RUFY4: variants seen among roughly 807,000 people sequenced by gnomAD.
The protein encoded by RUFY4 is RUN and FYVE domain containing 4.
Under a neutral mutation model 69.0 loss-of-function variants are expected in RUFY4, and 73 were observed. The ratio of observed to expected loss-of-function variants is 1.06; its 90% CI spans 0.88 to 1.29. The LOEUF is 1.29. RUFY4 is among the 50% of genes most tolerant of loss of function. The pLI, the probability that RUFY4 is intolerant of heterozygous loss-of-function variation, is 0.00. For synonymous variants in RUFY4, 287 were observed against 271.8 expected, an observed-to-expected ratio of 1.06 and a Z score of -0.55; for missense variants, 770 against 705.6, an observed-to-expected ratio of 1.09 and a Z score of -1.03.
intron 2 of RUFY4, among the ~76,000 whole-genome samples, chr2:218,046,885 GAGGTCCAAA>G (rs1448001993): frequency 2.0e-5 from 3 of 152,006 alleles, no homozygotes; most frequent in Non-Finnish European, 4.4e-5. Context: ...ATGTTAATTT[GAGGTCCAAA>G]AGACTTGATT....
intron 2 of RUFY4, among the ~76,000 whole-genome samples, chr2:218,041,411 C>A (rs1279800767): frequency 6.6e-6 from 1 of 152,168 alleles, no homozygotes; most frequent in Non-Finnish European, 1.5e-5. Flanking sequence ...GTCTCCCAGT[C>A]CATGAGCATA....
chr2:218,038,405 A>G (rs1049842087), intron 2 of RUFY4, among the ~76,000 whole-genome samples: 1 of 152,248 alleles, frequency 6.6e-6, no homozygotes, highest in Non-Finnish European at 1.5e-5. Flanking sequence ...GCTTTTGCAA[A>G]GTGCTCCATC....
intron 2 of RUFY4, among the ~76,000 whole-genome samples, chr2:218,071,868 G>A (rs1018038470): frequency 1.3e-5 from 2 of 152,122 alleles, no homozygotes; most frequent in African/African-American, 4.8e-5. Flanking sequence ...CCACACACAG[G>A]CAGCATCTGC....
intron 3 of RUFY4, 76 bp from the exon 6 acceptor site, chr2:218,072,703 A>G (rs1341885729): frequency 1.5e-6 from 2 of 1,309,840 alleles, no homozygotes; most frequent in South Asian, 1.5e-5. Context: ...AAGCACTTCC[A>G]GTCCCCTCTC....
chr2:218,063,419 G>A (rs113125548), intron 3 of RUFY4, among the ~76,000 whole-genome samples: 214 of 152,304 alleles, frequency 1.4e-3, no homozygotes, highest in Non-Finnish European at 2.7e-3. Context: ...CTCCCACATC[G>A]CAGGTGGGAA....
chr2:218,056,852 G>A (rs1239713132), intron 2 of RUFY4, among the ~76,000 whole-genome samples: 2 of 152,138 alleles, frequency 1.3e-5, no homozygotes, highest in Admixed American at 6.6e-5. Flanking sequence ...TTGGGAGGCC[G>A]AGGCAGGTGG....
chr2:218,044,163 C>A (rs1466700403), intron 2 of RUFY4, among the ~76,000 whole-genome samples: 3 of 152,164 alleles, frequency 2.0e-5, no homozygotes, highest in East Asian at 3.9e-4. Context: ...TAGGCTTGGG[C>A]AGCTGCTGTG....
chr2:218,087,756 G>A (rs1427777721), intron 9 of RUFY4, among the ~76,000 whole-genome samples: 1 of 152,160 alleles, frequency 6.6e-6, no homozygotes, highest in Non-Finnish European at 1.5e-5. Context: ...TTGAACCCAG[G>A]AGGCAGAGGT....
intron 2 of RUFY4, among the ~76,000 whole-genome samples, chr2:218,036,935 A>C (rs4674239): frequency 0.23 from 34,947 of 152,212 alleles, 5,194 homozygotes; most frequent in East Asian, 0.41. Context: ...CTTCAGGAAC[A>C]GAGCAGTTCT....
At chr2:218,043,131 T>G (rs952683256) in intron 2 of RUFY4, among the ~76,000 whole-genome samples, 6 of 152,154 alleles carry the variant, frequency 3.9e-5, no homozygotes, top group Non-Finnish European at 7.4e-5. Flanking sequence ...GTAGCTCCTC[T>G]CTGTAGGCAG....
intron 3 of RUFY4, chr2:218,060,262 C>CTAG: frequency 7.5e-7 from 1 of 1,335,150 alleles, no homozygotes; most frequent in Admixed American, 2.3e-5. Flanking sequence ...CCAAGAAGAG[C>CTAG]TAGTGGACAT....
chr2:218,067,662 G>A (rs1012778638), upstream of RUFY4, among the ~76,000 whole-genome samples: 3 of 152,162 alleles, frequency 2.0e-5, no homozygotes, highest in Non-Finnish European at 4.4e-5. Context: ...AGGCCGCTTA[G>A]AAACCAGCTC....
chr2:218,079,720 G>T (rs185984823), intron 8 of RUFY4, among the ~76,000 whole-genome samples: 86 of 152,258 alleles, frequency 5.6e-4, no homozygotes, highest in African/African-American at 2.0e-3. Context: ...CGGGAAAGGA[G>T]CCCGTGGGCA....
At chr2:218,055,168 G>C (rs1028985077) in intron 2 of RUFY4, among the ~76,000 whole-genome samples, 1 of 152,212 alleles carries the variant, frequency 6.6e-6, no homozygotes, top group Admixed American at 6.5e-5. Flanking sequence ...GCTGAGGCAG[G>C]CAGATCACCT....
At chr2:218,044,256 G>A (rs1688774372) in intron 2 of RUFY4, among the ~76,000 whole-genome samples, 1 of 152,236 alleles carries the variant, frequency 6.6e-6, no homozygotes, top group East Asian at 1.9e-4. Context: ...TGTTTTGGCA[G>A]TGGCCAGATG....
At chr2:218,063,634 G>T (rs1378404640) in intron 3 of RUFY4, among the ~76,000 whole-genome samples, 1 of 152,190 alleles carries the variant, frequency 6.6e-6, no homozygotes, top group African/African-American at 2.4e-5. Flanking sequence ...AGTGGGCCAA[G>T]AGGAATAGGA....
chr2:218,078,367 T>C (rs1041192385), intron 8 of RUFY4, among the ~76,000 whole-genome samples: 2 of 152,280 alleles, frequency 1.3e-5, no homozygotes, highest in South Asian at 4.1e-4. Context: ...CGGTAGAATG[T>C]TCCAGGCTGC....
chr2:218,076,581 G>A, intron 8 of RUFY4, 48 bp downstream of exon 10: 2 of 1,539,722 alleles, frequency 1.3e-6, no homozygotes, highest in Non-Finnish European at 1.8e-6. Context: ...TGCTCCCTAG[G>A]TCCTGCTGTC....
At chr2:218,051,553 G>C (rs1688943096) in intron 2 of RUFY4, among the ~76,000 whole-genome samples, 1 of 143,572 alleles carries the variant, frequency 7.0e-6, no homozygotes, top group East Asian at 2.1e-4. Context: ...AAAATGACTG[G>C]CTGTTCCAAT....
Sources: gnomAD v4.1 joint callset for allele counts (sites outside exome capture counted in the v4.1 genomes callset) on GRCh38, gnomAD v4.1.1 for gene constraint, MANE v1.5 for transcripts, NCBI Gene and HGNC (gene_info 2026-07-23, HGNC 2026-07-21) for gene names.